PTPRA: variants seen among roughly 807,000 people sequenced by gnomAD.
PTPRA encodes protein tyrosine phosphatase receptor type A, also known as receptor-type tyrosine-protein phosphatase alpha.
A neutral mutation model predicts 104.8 loss-of-function variants in PTPRA; 25 were observed. The ratio of observed to expected loss-of-function variants is 0.24; its 90% confidence interval spans 0.17 to 0.33. The LOEUF (loss-of-function observed/expected upper bound fraction) is 0.33, where lower values mean the gene tolerates loss of function less well. PTPRA is among the 10% of genes least tolerant of loss of function. PTPRA has a pLI of 1.00. For synonymous variants in PTPRA, 323 were observed against 368.9 expected, an observed-to-expected ratio of 0.88 and a Z score of 1.43; for missense variants, 765 against 1,015.3, an observed-to-expected ratio of 0.75 and a Z score of 3.35.
intron 9 of PTPRA, among the ~76,000 whole-genome samples, chr20:3,003,209 A>T (rs2063715133): frequency 6.6e-6 from 1 of 152,178 alleles, no homozygotes; most frequent in African/African-American, 2.4e-5. Flanking sequence ...CGAGAACTGC[A>T]CTTATATTTG....
At chr20:2,997,019 A>C (rs1244252422) in intron 9 of PTPRA, among the ~76,000 whole-genome samples, 1 of 152,244 alleles carries the variant, frequency 6.6e-6, no homozygotes, top group Non-Finnish European at 1.5e-5. Flanking sequence ...TAAAAACGCA[A>C]ATATCTGTCA....
rs1434315945 is a variant in PTPRA, at chr20:3,035,615, G to A, written c.1951G>A (p.Gly651Arg). ...EKCAQYWPSD[G>R]LVSYGDITVE... The stretch of plus-strand genomic sequence containing the variant: ...GTGTGCCCAGTACTGGCCATCTGAT[G>A]GACTGGTGTCCTATGGAGATATTAC... Residue 651 changes from glycine to arginine, a missense_variant, in exon 21 of 24, where the codon GGA becomes AGA. Gly to Arg is a moderately radical substitution (Grantham distance 125). Around this residue, in one of 4 missense-constraint regions of PTPRA, gnomAD observed 192 missense variants for 227.0 expected, o/e 0.85. Coordinates refer to ENST00000399903, the MANE Select transcript of PTPRA (RefSeq NM_001385305.1). This position sits in a 1 kb window ranked among gnomAD's most constrained non-coding sequence, Gnocchi z 5.8. 2 of 1,613,108 alleles carry A rather than the reference G, an allele frequency of 1.2e-6. No individual in the cohort carries two copies. Among genetic ancestry groups the A allele is most frequent in the Non-Finnish European group, 1.7e-6 (2 of 1,179,216 alleles).
At chr20:2,946,335 GAATC>G (rs933242295) in intron 2 of PTPRA, among the ~76,000 whole-genome samples, 3 of 152,032 alleles carry the variant, frequency 2.0e-5, no homozygotes, top group African/African-American at 7.2e-5. Context: ...GGCTACCAGT[GAATC>G]TAGGCTCCAG....
At chr20:2,955,900 C>A (rs1475742779) in intron 3 of PTPRA, among the ~76,000 whole-genome samples, 1 of 152,182 alleles carries the variant, frequency 6.6e-6, no homozygotes, top group Non-Finnish European at 1.5e-5. Context: ...CCCCTACCCC[C>A]CACAGATACA....
chr20:3,002,472 A>C (rs1035804944), intron 9 of PTPRA, among the ~76,000 whole-genome samples: 4 of 151,840 alleles, frequency 2.6e-5, no homozygotes, highest in African/African-American at 9.7e-5. Context: ...GGTTACAGGC[A>C]TGTGCCACCA....
chr20:2,865,586 C>A, the PTPRA span: 1 of 1,203,552 alleles, frequency 8.3e-7, no homozygotes, highest in Non-Finnish European at 1.2e-6. The surrounding 1 kb of genome is among the most constrained non-coding windows in gnomAD (Gnocchi z 5.2). Context: ...ATGGCCCGTT[C>A]ATGCTCCTGT....
At chr20:3,036,557 C>A (rs2065809660) in intron 22 of PTPRA, among the ~76,000 whole-genome samples, 1 of 152,216 alleles carries the variant, frequency 6.6e-6, no homozygotes, top group Non-Finnish European at 1.5e-5. Context: ...CCCTGAGTAC[C>A]CTGCCAGAAC....
At chr20:2,958,670 A>G (rs1318765542) in intron 3 of PTPRA, among the ~76,000 whole-genome samples, 1 of 117,198 alleles carries the variant, frequency 8.5e-6, no homozygotes, top group South Asian at 2.3e-4. Context: ...AAAAAAAAAA[A>G]AAAAAAAAAA....
chr20:3,019,147 C>T (rs1268060484), intron 13 of PTPRA, among the ~76,000 whole-genome samples: 5 of 138,138 alleles, frequency 3.6e-5, no homozygotes, highest in Non-Finnish European at 6.3e-5. Flanking sequence ...GCTGGCCGGG[C>T]GGGGGGCTGA....
intron 2 of PTPRA, among the ~76,000 whole-genome samples, chr20:2,945,128 G>T (rs1332173527): frequency 1.3e-5 from 2 of 151,324 alleles, no homozygotes; most frequent in Non-Finnish European, 2.9e-5. Context: ...TCTCTCTTCA[G>T]GTATATTTTA....
chr20:2,976,593 A>G (rs982749849), intron 6 of PTPRA, among the ~76,000 whole-genome samples: 9 of 152,320 alleles, frequency 5.9e-5, no homozygotes, highest in Middle Eastern at 3.4e-3. Context: ...GTCAAAAAAT[A>G]ATTTTGTGTA....
rs563275579 is a variant in PTPRA at position 2,895,895 on chromosome 20, G to A, written c.-129+22135G>A. 2.0e-5 allele frequency among the ~76,000 whole-genome samples: 3 copies of A among 152,200 alleles called. No individual in the cohort carries two copies. In the East Asian group the frequency reaches 5.8e-4, roughly 29 times the overall value. Reference sequence around the variant, plus strand: ...GTACAATGTCTTTTTTATGTTATGTGTTGATGGAGTCAAATTACCGATATT... The same window carrying A: ...GTACAATGTCTTTTTTATGTTATGTATTGATGGAGTCAAATTACCGATATT... On this transcript the variant is annotated intron_variant, in intron 1 of 23. Transcript: ENST00000399903.
chr20:2,892,289 C>CAA (rs34741114), intron 1 of PTPRA, among the ~76,000 whole-genome samples: 48 of 80,448 alleles, frequency 6.0e-4, no homozygotes, highest in African/African-American at 6.8e-4. Context: ...GACTCTGTCT[C>CAA]AAAAAAAAAA....
rs568855268 is a variant in PTPRA at position 2,992,788 on chromosome 20, G to C, written c.738+4314G>C. ...TCAGCAGGAGCACTTTCTCTTTTCA[G>C]ATCACTCAATAAATTGGTCAGAGGC... On this transcript the variant is annotated intron_variant, in intron 9 of 23. Transcript: ENST00000399903. Among the ~76,000 whole-genome samples the C allele has an allele frequency of 3.3e-5, 5 of 152,252 alleles. No homozygotes were observed. The East Asian group carries it at 7.7e-4, about 24-fold the overall frequency.
At position 2,873,551 on chromosome 20, in the gene PTPRA, C is replaced by T. The variant is rs374809862; in HGVS notation, c.-338C>T. The T allele has an allele frequency of 1.3e-5, 2 of 151,588 alleles. No homozygotes were observed. Among genetic ancestry groups the T allele is most frequent in the Non-Finnish European group, 2.9e-5 (2 of 67,810 alleles). The allele number at this position is 151,588 out of a possible 1,614,324, so 9.4% of individuals were successfully genotyped here. On this transcript the variant is annotated 5_prime_UTR_variant, in exon 1 of 24. Transcript: ENST00000399903. This position sits in a 1 kb window ranked among gnomAD's most constrained non-coding sequence, Gnocchi z 4.4. ...GCGCGCGCGCGATCGCGCTCGGACCCCGGCCGCTGCCGCCATCACTGTCGC... is the reference window on the plus strand; with the variant it reads ...GCGCGCGCGCGATCGCGCTCGGACCTCGGCCGCTGCCGCCATCACTGTCGC...
rs902366878 is a variant in PTPRA at position 3,037,951 on chromosome 20, A to C, written c.2335-108A>C. ...CTCAGGTGAAAGTTCAAAAACATTC[A>C]GTTCCTCTTGATTTTCCATCTTCAA... On this transcript the variant is annotated intron_variant, in intron 23 of 23. Coordinates refer to ENST00000399903, the MANE Select transcript of PTPRA (RefSeq NM_001385305.1). This position sits in a 1 kb window ranked among gnomAD's most constrained non-coding sequence, Gnocchi z 4.3. 6.3e-6 allele frequency: 6 copies of C among 945,018 alleles called. No individual in the cohort carries two copies. In the East Asian group the frequency reaches 1.2e-4, roughly 19 times the overall value. 58.5% of individuals were successfully genotyped at this position (945,018 alleles called of 1,614,324 possible).
At chr20:2,935,537 A>G (rs974167061) in intron 2 of PTPRA, among the ~76,000 whole-genome samples, 6 of 152,172 alleles carry the variant, frequency 3.9e-5, no homozygotes, top group African/African-American at 1.4e-4. Context: ...GAATTACTGA[A>G]TCATATAGTA....
At chr20:2,917,203 C>T (rs1016007552) in intron 1 of PTPRA, among the ~76,000 whole-genome samples, 13 of 152,060 alleles carry the variant, frequency 8.5e-5, no homozygotes, top group African/African-American at 2.2e-4. Flanking sequence ...AGTGATCCGC[C>T]GGCCTCGGCC....
chr20:2,962,876 C>G (rs999728876), intron 3 of PTPRA, among the ~76,000 whole-genome samples: 2 of 152,142 alleles, frequency 1.3e-5, no homozygotes. Context: ...TCTCTTCCCC[C>G]CCTACCCTTG....
Sources: gnomAD v4.1 joint callset for allele counts (sites outside exome capture counted in the v4.1 genomes callset) on GRCh38, gnomAD v4.1.1 for gene constraint, gnomAD v4.1.1 regional missense constraint, Gnocchi (gnomAD v3.1) non-coding constraint, MANE v1.5 for transcripts, NCBI Gene and HGNC (gene_info 2026-07-23, HGNC 2026-07-21) for gene names.